The following LAMA3 variants were observed in gnomAD, a reference collection of about 807,000 sequenced individuals.
The protein encoded by LAMA3 is laminin subunit alpha 3.
LAMA3 carries 281 observed loss-of-function variants against 402.0 expected under a neutral mutation model. That is an observed-to-expected ratio of 0.70 (90% CI 0.63 to 0.77). The LOEUF is 0.77. Among genes scored for constraint, LAMA3 ranks in the 30% least tolerant of loss-of-function variants. LAMA3 has a pLI of 0.00. For synonymous variants in LAMA3, 1,431 were observed against 1,558.4 expected (o/e 0.92, Z 1.93); for missense variants, 3,840 against 4,215.5 (o/e 0.91, Z 2.47).
intron 22 of LAMA3, 73 bp from the exon 23 acceptor site, chr18:23,827,241 G>A (rs2063400872): frequency 5.5e-6 from 8 of 1,456,696 alleles, no homozygotes; most frequent in Admixed American, 3.3e-5. Context: ...GAGTCTTTGG[G>A]GATGTACTTT....
At chr18:23,820,591 G>A (rs573994182) in intron 19 of LAMA3, among the ~76,000 whole-genome samples, 41 of 152,094 alleles carry the variant, frequency 2.7e-4, no homozygotes, top group African/African-American at 9.4e-4. Context: ...GAATGAGTAG[G>A]GGAATTTATA....
At chr18:23,742,020 GC>G (rs2061572135) in intron 2 of LAMA3, among the ~76,000 whole-genome samples, 1 of 152,218 alleles carries the variant, frequency 6.6e-6, no homozygotes, top group Non-Finnish European at 1.5e-5. Context: ...TACTAGGGAG[GC>G]TGAGGCACAA....
chr18:23,721,321 C>T (rs543381604), intron 2 of LAMA3, among the ~76,000 whole-genome samples: 1 of 152,266 alleles, frequency 6.6e-6, no homozygotes, highest in African/African-American at 2.4e-5. Flanking sequence ...TTAAGCAGTT[C>T]CCCTCCAAAC....
chr18:23,867,387 A>G (rs2064384833), intron 36 of LAMA3, among the ~76,000 whole-genome samples: 2 of 151,928 alleles, frequency 1.3e-5, no homozygotes, highest in African/African-American at 4.8e-5. Flanking sequence ...TGAAACTACT[A>G]AAAATACAAA....
chr18:23,905,232 C>T (rs1441462566), intron 51 of LAMA3, among the ~76,000 whole-genome samples: 1 of 152,158 alleles, frequency 6.6e-6, no homozygotes. Flanking sequence ...AAGTTCTCTC[C>T]TCTGTTATTG....
At chr18:23,920,758 C>G (rs2081805386) in intron 60 of LAMA3, among the ~76,000 whole-genome samples, 177 bp from the exon 61 acceptor site, 3 of 152,188 alleles carry the variant, frequency 2.0e-5, no homozygotes, top group Admixed American at 6.5e-5. Context: ...ACGTGACTTA[C>G]AGTATTGAAC....
chr18:23,762,544 G>A (rs865814302), intron 7 of LAMA3, among the ~76,000 whole-genome samples: 10 of 151,376 alleles, frequency 6.6e-5, no homozygotes, highest in Non-Finnish European at 1.3e-4. Context: ...AGTCGAGATC[G>A]TGCCACTGCA....
Position 23,884,807 on chromosome 18 carries a change from G to A in LAMA3, c.5257G>A (p.Val1753Met), listed in dbSNP as rs1568297263. Reference protein sequence around the residue: ...ATGCVVNGGDVRCSCKAGYTG... With the variant: ...ATGCVVNGGDMRCSCKAGYTG... ...TGGCTGTGTGGTGAATGGGGGAGAC[G>A]TGCGGTGCTCCTGCAAAGCTGGGTA... Residue 1753 changes from valine to methionine, a missense_variant, in exon 41 of 75, where the codon GTG becomes ATG. Val to Met is a conservative substitution (Grantham distance 21, BLOSUM62 1). This residue lies in a region of LAMA3 where 2,109 missense variants were observed against 2,376.0 expected (regional missense o/e 0.89). Coordinates refer to ENST00000313654, the MANE Select transcript of LAMA3 (RefSeq NM_198129.4). The A allele has an allele frequency of 3.1e-6, 5 of 1,613,646 alleles. No homozygotes were observed. Among genetic ancestry groups the A allele is most frequent in the East Asian group, 2.2e-5 (1 of 44,890 alleles).
At chr18:23,809,789 C>T (rs540818613) in intron 12 of LAMA3, among the ~76,000 whole-genome samples, 2 of 152,052 alleles carry the variant, frequency 1.3e-5, no homozygotes, top group South Asian at 2.1e-4. Flanking sequence ...TACTTAACTA[C>T]ACTAGACATT....
chr18:23,828,658 A>G (rs1345783076), intron 23 of LAMA3, among the ~76,000 whole-genome samples: 1 of 152,200 alleles, frequency 6.6e-6, no homozygotes, highest in Admixed American at 6.5e-5. Context: ...CCAGGAAGTG[A>G]TGCTGATGAC....
intron 1 of LAMA3, chr18:23,709,904 C>T (rs2060958402): frequency 2.8e-6 from 2 of 723,824 alleles, no homozygotes; most frequent in African/African-American, 3.6e-5. Context: ...CTCCATCAGG[C>T]CTAATCAGGG....
intron 6 of LAMA3, among the ~76,000 whole-genome samples, chr18:23,758,041 A>C (rs1438319069): frequency 6.6e-6 from 1 of 152,230 alleles, no homozygotes; most frequent in Non-Finnish European, 1.5e-5. Context: ...CAGTAAAGTC[A>C]GCACTTGAGT....
intron 21 of LAMA3, 84 bp from the exon 22 acceptor site, chr18:23,826,618 T>C: frequency 1.0e-6 from 1 of 1,001,906 alleles, no homozygotes. Context: ...TATTATTGAT[T>C]TAACTAGTAT....
chr18:23,881,232 T>G (rs1317122530), intron 39 of LAMA3, among the ~76,000 whole-genome samples: 1 of 152,232 alleles, frequency 6.6e-6, no homozygotes, highest in Non-Finnish European at 1.5e-5. Flanking sequence ...AACTTTGATG[T>G]GAAAATAATT....
At chr18:23,858,626 G>A in intron 33 of LAMA3, 63 bp from the exon 34 acceptor site, 1 of 1,513,888 alleles carries the variant, frequency 6.6e-7, no homozygotes, top group Non-Finnish European at 9.2e-7. Flanking sequence ...TGTGCAAGTA[G>A]CTAATTGCAA....
chr18:23,889,087 T>G (rs2080548754), intron 41 of LAMA3, among the ~76,000 whole-genome samples: 5 of 152,146 alleles, frequency 3.3e-5, no homozygotes, highest in Admixed American at 3.3e-4. Flanking sequence ...TAAGAGTCAT[T>G]ATATACAGCA....
chr18:23,874,226 C>T (rs1032185938), intron 38 of LAMA3, among the ~76,000 whole-genome samples: 25 of 152,156 alleles, frequency 1.6e-4, no homozygotes, highest in African/African-American at 5.5e-4. Flanking sequence ...TTGCTCTTTA[C>T]CAAATGTGAT....
intron 1 of LAMA3, among the ~76,000 whole-genome samples, chr18:23,702,909 A>C (rs955415949): frequency 1.3e-5 from 2 of 152,102 alleles, no homozygotes; most frequent in Non-Finnish European, 2.9e-5. Context: ...TTCCCTCTCT[A>C]TAAAAGGGTC....
chr18:23,883,003 G>A (rs1399214501), intron 40 of LAMA3, among the ~76,000 whole-genome samples: 1 of 152,200 alleles, frequency 6.6e-6, no homozygotes, highest in Non-Finnish European at 1.5e-5. Context: ...GTTAGAGGAA[G>A]CCATGGCAGT....
Sources: gnomAD v4.1 joint callset for allele counts (sites outside exome capture counted in the v4.1 genomes callset) on GRCh38, gnomAD v4.1.1 for gene constraint, gnomAD v4.1.1 regional missense constraint, MANE v1.5 for transcripts, NCBI Gene and HGNC (gene_info 2026-07-23, HGNC 2026-07-21) for gene names.